CHIA: variants seen among roughly 807,000 people sequenced by gnomAD.
CHIA encodes chitinase acidic.
A neutral mutation model predicts 53.5 loss-of-function variants in CHIA; 47 were observed. The ratio of observed to expected loss-of-function variants is 0.88; its 90% CI spans 0.70 to 1.12. The LOEUF (loss-of-function observed/expected upper bound fraction) is 1.12, where lower values mean the gene tolerates loss of function less well. Ranked by LOEUF, CHIA falls within the 50% of genes most tolerant of loss-of-function variation. The pLI is 0.00. For synonymous variants in CHIA, 268 were observed against 222.2 expected, an observed-to-expected ratio of 1.21 and a Z score of -1.83; for missense variants, 652 against 592.2, an observed-to-expected ratio of 1.10 and a Z score of -1.05.
chr1:111,317,552 T>C lies in CHIA; in HGVS notation c.481-129T>C, dbSNP rs1649255169. On this transcript the variant is annotated intron_variant, in intron 6 of 11. Coordinates refer to ENST00000369740, the MANE Select transcript of CHIA (RefSeq NM_201653.4). ...CTACTTTATTTGGTTGTTGAGAGAC[T>C]AAAGTAAAATAAAATATGTGAAAGC... 5.8e-6 allele frequency: 6 copies of C among 1,034,982 alleles called. No homozygotes were observed. In the South Asian group the frequency reaches 6.1e-5, roughly 11 times the overall value. 64.1% of individuals were successfully genotyped at this position (1,034,982 alleles called of 1,614,324 possible). A position where few individuals can be genotyped will look rare whatever the true frequency, so the allele number is the denominator to read the frequency against.
intron 1 of CHIA, among the ~76,000 whole-genome samples, chr1:111,291,769 A>G (rs1047361866): frequency 2.6e-5 from 4 of 151,390 alleles, no homozygotes; most frequent in African/African-American, 4.9e-5. Context: ...TATTTTAAAA[A>G]TAATTGTAAT....
At chr1:111,304,011 A>G (rs1647977802) in intron 1 of CHIA, among the ~76,000 whole-genome samples, 1 of 152,160 alleles carries the variant, frequency 6.6e-6, no homozygotes, top group African/African-American at 2.4e-5. Context: ...GCCAGAAAAA[A>G]GATTTTTGGT....
intron 2 of CHIA, among the ~76,000 whole-genome samples, 175 bp downstream of exon 2, chr1:111,310,667 TCTTAA>T (rs772839990): frequency 2.6e-5 from 4 of 152,250 alleles, no homozygotes; most frequent in Non-Finnish European, 5.9e-5. Context: ...CCTCTTGTTC[TCTTAA>T]CTTCAACTGA....
intron 11 of CHIA, among the ~76,000 whole-genome samples, chr1:111,319,734 A>G (rs1409364432): frequency 6.6e-6 from 1 of 152,180 alleles, no homozygotes; most frequent in Non-Finnish European, 1.5e-5. Context: ...AATTATACTA[A>G]CATCAATATA....
At chr1:111,314,645 T>C (rs972370297) in intron 5 of CHIA, 49 bp downstream of exon 5, 1 of 1,386,130 alleles carries the variant, frequency 7.2e-7, no homozygotes, top group Non-Finnish European at 1.0e-6. Flanking sequence ...GGAAAACAAG[T>C]TAGCCCCATG....
In CHIA at chr1:111,317,717, A is replaced by G; in HGVS notation, c.517A>G (p.Ile173Val). The change falls in exon 7 of 12, where the codon ATC (isoleucine) becomes GTC (valine). Residue 173 changes from isoleucine to valine, a missense_variant. Coordinates refer to ENST00000369740, the MANE Select transcript of CHIA (RefSeq NM_201653.4). ...REAFEQEAKQ[I>V]NKPRLMVTAA... is the part of the protein sequence containing the mutation. ...AGCTTTTGAGCAGGAGGCCAAGCAG[A>G]TCAACAAGCCCAGGCTGATGGTCAC... The G allele has an allele frequency of 6.2e-7, 1 of 1,614,160 alleles. No individual in the cohort carries two copies. The highest frequency in any genetic ancestry group is 2.2e-5 in the East Asian group (1 of 44,888).
At position 111,319,452 on chromosome 1, in the gene CHIA, C is replaced by T. The variant is rs2820092; in HGVS notation, c.1161C>T (p.Leu387=). ...FPLISTLKKA[L]GLQSASCTAP... ...TAATCTCCACCCTGAAGAAGGCCCT[C>T]GGCCTGCAGAGTGCAAGTAAGTGAC... The change falls in exon 11 of 12, where the codon CTC becomes CTT. Residue 387 remains leucine, a synonymous_variant. Transcript: ENST00000369740. 194,702 of 1,613,648 alleles carry T rather than the reference C, an allele frequency of 0.12. 13,996 individuals carry two copies. Among genetic ancestry groups the T allele is most frequent in the African/African-American group, 0.32 (23,932 of 74,942 alleles).
intron 1 of CHIA, among the ~76,000 whole-genome samples, 162 bp downstream of exon 1, chr1:111,291,112 T>TTG (rs1660988194): frequency 6.6e-6 from 1 of 152,206 alleles, no homozygotes; most frequent in Non-Finnish European, 1.5e-5. Context: ...CTTAAAGGTA[T>TTG]TGTGTGTGTG....
chr1:111,319,170 G>A lies in CHIA; in HGVS notation c.966G>A (p.Gln322=), dbSNP rs1462455860. The A allele has an allele frequency of 1.9e-6, 3 of 1,614,094 alleles. No individual in the cohort carries two copies. The highest frequency in any genetic ancestry group is 2.5e-6 in the Non-Finnish European group (3 of 1,180,036). The change falls in exon 10 of 12, where the codon CAG becomes CAA. Residue 322 remains glutamine (Q), a synonymous_variant. Coordinates refer to ENST00000369740, the MANE Select transcript of CHIA (RefSeq NM_201653.4). ...CCACTCAGGGATGGGATGCCCCTCA[G>A]GAAGTGCCTTATGCCTATCAGGGCA... ...NGATQGWDAP[Q]EVPYAYQGNV...
chr1:111,320,350 C>T lies in CHIA; in HGVS notation c.1315C>T (p.Pro439Ser), dbSNP rs368010768. 13 of 1,614,096 alleles carry T rather than the reference C, an allele frequency of 8.1e-6. No individual in the cohort carries two copies. The highest frequency in any genetic ancestry group is 1.1e-5 in the Non-Finnish European group (13 of 1,180,050). The part of the protein sequence containing the change: ...FCAVRANGLY[P>S]VANNRNAFWH... ...TGCTGTCAGAGCCAACGGCCTCTACCCCGTGGCAAATAACAGAAATGCCTT... is the reference window on the plus strand; with the variant it reads ...TGCTGTCAGAGCCAACGGCCTCTACTCCGTGGCAAATAACAGAAATGCCTT... The change falls in exon 12 of 12, where the codon CCC becomes TCC. Residue 439 changes from proline (P) to serine (S), a missense_variant. Pro to Ser is a moderately conservative substitution (Grantham distance 74). Transcript: ENST00000369740.
chr1:111,310,183 CA>C (rs1232706588), intron 1 of CHIA, among the ~76,000 whole-genome samples: 1 of 152,066 alleles, frequency 6.6e-6, no homozygotes, highest in Non-Finnish European at 1.5e-5. Context: ...TTGGAACTGC[CA>C]AAAAAGCTAT....
chr1:111,291,087 T>C (rs1161670132), intron 1 of CHIA, 137 bp downstream of exon 1: 5 of 303,000 alleles, frequency 1.7e-5, no homozygotes, highest in Non-Finnish European at 3.2e-5. Flanking sequence ...TTATGTGAGA[T>C]AAAGGTTGTT....
At chr1:111,291,700 A>G (rs1389424355) in intron 1 of CHIA, among the ~76,000 whole-genome samples, 1 of 152,084 alleles carries the variant, frequency 6.6e-6, no homozygotes, top group Admixed American at 6.5e-5. Context: ...GGGGGGAAAA[A>G]TATATAGCAA....
intron 1 of CHIA, among the ~76,000 whole-genome samples, chr1:111,291,839 G>T (rs28523674): frequency 6.9e-6 from 1 of 144,816 alleles, no homozygotes; most frequent in Admixed American, 7.1e-5. Flanking sequence ...TCGGGGGGGG[G>T]TGGGGGTAGG....
rs1649586861 is a variant in CHIA at position 111,320,523 on chromosome 1, C to T, written c.*57C>T. 2 of 1,516,446 alleles carry T rather than the reference C, an allele frequency of 1.3e-6. No homozygotes were observed. Among genetic ancestry groups the T allele is most frequent in the East Asian group, 2.3e-5 (1 of 44,008 alleles). The allele number at this position is 1,516,446 out of a possible 1,614,324, so 93.9% of individuals were successfully genotyped here. On this transcript the variant is annotated 3_prime_UTR_variant, in exon 12 of 12. Coordinates refer to ENST00000369740, the MANE Select transcript of CHIA (RefSeq NM_201653.4). Reference sequence around the variant, plus strand: ...AGTCTCTTTTGCTTAGGACATGTTGCCCCTACCTAAAGTCCTGCAATAAAA... The same window carrying T: ...AGTCTCTTTTGCTTAGGACATGTTGTCCCTACCTAAAGTCCTGCAATAAAA...
At chr1:111,304,848 G>A (rs910502796) in intron 1 of CHIA, among the ~76,000 whole-genome samples, 1 of 152,042 alleles carries the variant, frequency 6.6e-6, no homozygotes, top group Admixed American at 6.6e-5. Context: ...CTAATAATGT[G>A]GTATCTCTGA....
intron 1 of CHIA, among the ~76,000 whole-genome samples, chr1:111,293,243 T>A (rs1661133754): frequency 6.6e-6 from 1 of 152,204 alleles, no homozygotes; most frequent in Admixed American, 6.5e-5. Context: ...TTGTTAACAC[T>A]TATTATTTTC....
chr1:111,305,490 A>G (rs1479977226), intron 1 of CHIA, among the ~76,000 whole-genome samples: 1 of 152,250 alleles, frequency 6.6e-6, no homozygotes, highest in Non-Finnish European at 1.5e-5. Context: ...CAAGCTCTGT[A>G]TAAGCTGCTC....
chr1:111,294,342 A>G (rs1029550904), intron 1 of CHIA, among the ~76,000 whole-genome samples: 3 of 152,038 alleles, frequency 2.0e-5, no homozygotes, highest in African/African-American at 7.2e-5. Context: ...TTATTTTTAT[A>G]ATTTTTCTTT....
Sources: gnomAD v4.1 joint callset for allele counts (sites outside exome capture counted in the v4.1 genomes callset) on GRCh38, gnomAD v4.1.1 for gene constraint, MANE v1.5 for transcripts, NCBI Gene and HGNC (gene_info 2026-07-23, HGNC 2026-07-21) for gene names.